Variants in ALMS1 observed in about 807,000 individuals in gnomAD.
ALMS1 encodes the protein ALMS1 centrosome and basal body associated protein.
In ALMS1, 271 loss-of-function variants were observed where a neutral mutation model predicts 352.2. The observed-to-expected ratio is 0.77, with a 90% CI of 0.70 to 0.85. ALMS1 has a LOEUF of 0.85. Ranked by LOEUF, ALMS1 falls within the 40% of genes least tolerant of loss-of-function variation. The probability of loss-of-function intolerance (pLI) is 0.00; values close to 1 mark genes in which losing one functional copy is unlikely to be tolerated. For synonymous variants in ALMS1, 1,865 were observed against 1,761.2 expected, an observed-to-expected ratio of 1.06 and a Z score of -1.48; for missense variants, 5,445 against 4,870.7, an observed-to-expected ratio of 1.12 and a Z score of -3.51.
chr2:73,573,911 A>G (rs567471653), intron 16 of ALMS1, among the ~76,000 whole-genome samples: 3 of 152,130 alleles, frequency 2.0e-5, no homozygotes, highest in African/African-American at 7.2e-5. Flanking sequence ...GGGGTGAGCT[A>G]CAATATGATT....
intron 1 of ALMS1, 82 bp from the exon 2 acceptor site, chr2:73,408,540 T>C: frequency 6.9e-7 from 1 of 1,452,402 alleles, no homozygotes; most frequent in Non-Finnish European, 9.5e-7. Flanking sequence ...CTGGGAAGTA[T>C]GGTCTAAATA....
intron 15 of ALMS1, among the ~76,000 whole-genome samples, chr2:73,567,936 A>C (rs1266561621): frequency 6.6e-6 from 1 of 152,184 alleles, no homozygotes; most frequent in East Asian, 1.9e-4. Context: ...TGCAAAATCA[A>C]TTTATAAATG....
intron 11 of ALMS1, among the ~76,000 whole-genome samples, chr2:73,523,614 A>C (rs1332286837): frequency 2.0e-5 from 3 of 152,158 alleles, no homozygotes; most frequent in East Asian, 3.8e-4. Context: ...TAAAAATACA[A>C]AAATTAGCCG....
rs1237112501 is a variant in ALMS1 at position 73,471,457 on chromosome 2, T to C, written c.7674+16162T>C. ...CCATGTATCTAATGAGGGGTTAATA[T>C]CCAAAGTATATAAGGAACACCTGCA... On this transcript the variant is annotated intron_variant, in intron 9 of 22. Coordinates refer to ENST00000613296, the MANE Select transcript of ALMS1 (RefSeq NM_001378454.1). 3.3e-5 allele frequency among the ~76,000 whole-genome samples: 4 copies of C among 120,080 alleles called. No homozygotes were observed. The East Asian group carries it at 8.6e-4, about 26-fold the overall frequency. The allele number at this position is 120,080 out of a possible 152,430, so 78.8% of individuals were successfully genotyped here.
Position 73,450,216 on chromosome 2 carries a change from G to A in ALMS1, c.3689G>A (p.Gly1230Glu), listed in dbSNP as rs372619046. 4.3e-5 allele frequency: 70 copies of A among 1,612,382 alleles called. No homozygotes were observed. Among genetic ancestry groups the A allele is most frequent in the African/African-American group, 4.3e-4 (32 of 74,438 alleles). Residue 1230 changes from glycine (G) to glutamate (E), a missense_variant, in exon 8 of 23, where the codon GGG becomes GAG. Gly to Glu is a moderately conservative substitution (Grantham distance 98, BLOSUM62 -2). Coordinates refer to ENST00000613296, the MANE Select transcript of ALMS1 (RefSeq NM_001378454.1). ...CTTGGACCAGCTGACCAGAAGACTG[G>A]GACACCAACTCCAACCTCTGCTTCT... ...PVLGPADQKTGTPTPTSASYS... is the reference protein window; with the variant it reads ...PVLGPADQKTETPTPTSASYS...
rs1675898027 is a variant in ALMS1, at chr2:73,609,689, C to G, written c.*77C>G. The stretch of plus-strand genomic sequence containing the variant: ...AAGCAGAATCCTTACTTTTGTGAGT[C>G]TGGTTGAATAAAGCTTATTCTTTGT... On this transcript the variant is annotated 3_prime_UTR_variant, in exon 23 of 23. Coordinates refer to ENST00000613296, the MANE Select transcript of ALMS1 (RefSeq NM_001378454.1). The G allele has an allele frequency of 2.2e-6, 3 of 1,386,386 alleles. No individual in the cohort carries two copies. In the Admixed American group the frequency reaches 5.0e-5, roughly 23 times the overall value. The allele number at this position is 1,386,386 out of a possible 1,614,324, so 85.9% of individuals were successfully genotyped here.
chr2:73,537,904 G>C (rs1674065791), intron 12 of ALMS1, among the ~76,000 whole-genome samples: 1 of 152,134 alleles, frequency 6.6e-6, no homozygotes, highest in Non-Finnish European at 1.5e-5. Flanking sequence ...TACTCGGAAG[G>C]CTGAGGCATG....
chr2:73,411,900 T>A lies in ALMS1; in HGVS notation c.450+3153T>A, dbSNP rs79437477. 7.8e-3 allele frequency among the ~76,000 whole-genome samples: 1,186 copies of A among 152,342 alleles called. 13 individuals carry two copies. Among genetic ancestry groups the A allele is most frequent in the African/African-American group, 0.027 (1,133 of 41,566 alleles). Reference sequence around the variant, plus strand: ...AGTTACTCATCCCATGATCACAGTCTATCTAGACTTTGTCATCACCAGCTA... The same window carrying A: ...AGTTACTCATCCCATGATCACAGTCAATCTAGACTTTGTCATCACCAGCTA... On this transcript the variant is annotated intron_variant, in intron 2 of 22. Transcript: ENST00000613296.
rs772136379 is a variant in ALMS1, at chr2:73,451,669, T to G, written c.5142T>G (p.Tyr1714Ter). 23 of 1,613,928 alleles carry G rather than the reference T, an allele frequency of 1.4e-5. No homozygotes were observed. The highest frequency in any genetic ancestry group is 1.6e-4 in the Middle Eastern group (1 of 6,084). Residue 1714 changes from tyrosine to a stop codon, truncating the protein, a stop_gained, in exon 8 of 23, where the codon TAT becomes TAG. Transcript: ENST00000613296. LOFTEE classifies it high-confidence loss of function. ...TPSVSSSLYS[Y>*]REKPIVFYQQ... ...CAGTATCCTCTAGTTTATACTCATA[T>G]AGAGAGAAGCCCATTGTCTTCTACC...
intron 2 of ALMS1, among the ~76,000 whole-genome samples, chr2:73,417,188 G>T (rs1371438818): frequency 6.6e-6 from 1 of 151,988 alleles, no homozygotes; most frequent in Admixed American, 6.5e-5. Flanking sequence ...TCAAGAAATA[G>T]AGAAAAAATA....
chr2:73,424,593 T>G lies in ALMS1; in HGVS notation c.928T>G (p.Cys310Gly). ...AGGCAGCACAGCTGTTGGGTCTCAG[T>G]GCCCTTTTTTACCTTCTGAACAAGG... ...LIGSTAVGSQ[C>G]PFLPSEQGNN... Residue 310 changes from cysteine to glycine, a missense_variant, in exon 5 of 23, where the codon TGC becomes GGC. Transcript: ENST00000613296. The G allele has an allele frequency of 1.2e-6, 2 of 1,614,022 alleles. No individual in the cohort carries two copies. Among genetic ancestry groups the G allele is most frequent in the Non-Finnish European group, 1.7e-6 (2 of 1,180,008 alleles).
intron 16 of ALMS1, among the ~76,000 whole-genome samples, chr2:73,587,074 G>C (rs181029307): frequency 2.0e-5 from 3 of 152,104 alleles, no homozygotes; most frequent in Non-Finnish European, 4.4e-5. Context: ...TTGTTTCTCA[G>C]CTTGGTCTTT....
At chr2:73,564,708 T>C (rs913943363) in intron 15 of ALMS1, among the ~76,000 whole-genome samples, 1 of 152,072 alleles carries the variant, frequency 6.6e-6, no homozygotes, top group African/African-American at 2.4e-5. Context: ...GGCCCGCCCA[T>C]AATGAAAAAT....
intron 13 of ALMS1, among the ~76,000 whole-genome samples, chr2:73,556,230 A>G (rs1195470258): frequency 6.6e-6 from 1 of 152,228 alleles, no homozygotes; most frequent in Non-Finnish European, 1.5e-5. Flanking sequence ...GAAGACATTT[A>G]GAGAAAAGAG....
chr2:73,528,093 C>T (rs1673829980), intron 11 of ALMS1, among the ~76,000 whole-genome samples: 1 of 152,060 alleles, frequency 6.6e-6, no homozygotes, highest in Non-Finnish European at 1.5e-5. Context: ...AGTTTTATTT[C>T]ATTGTGATCA....
chr2:73,439,010 C>T (rs1671661533), intron 7 of ALMS1, among the ~76,000 whole-genome samples: 1 of 150,418 alleles, frequency 6.6e-6, no homozygotes, highest in Non-Finnish European at 1.5e-5. Context: ...TTCTTCCTCT[C>T]CTCCTCCTCC....
rs181988346 is a variant in ALMS1 at position 73,409,651 on chromosome 2, A to G, written c.450+904A>G. Among the ~76,000 whole-genome samples, 570 of 152,298 alleles carry G rather than the reference A, an allele frequency of 3.7e-3. 2 individuals carry two copies. The highest frequency in any genetic ancestry group is 5.7e-3 in the Non-Finnish European group (391 of 68,032). On this transcript the variant is annotated intron_variant, in intron 2 of 22. Coordinates refer to ENST00000613296, the MANE Select transcript of ALMS1 (RefSeq NM_001378454.1). ...CATTGTTTAAATTCCGGCTTACTAG[A>G]ACTCAGTTGGTATATTATTCAGGGT...
intron 12 of ALMS1, among the ~76,000 whole-genome samples, chr2:73,541,879 G>T (rs147020427): frequency 1.3e-5 from 2 of 152,152 alleles, no homozygotes; most frequent in Admixed American, 1.3e-4. Flanking sequence ...ATAATCGATA[G>T]CTTACCAACC....
At chr2:73,403,624 A>G (rs1001167523) in intron 1 of ALMS1, among the ~76,000 whole-genome samples, 1 of 151,988 alleles carries the variant, frequency 6.6e-6, no homozygotes, top group Non-Finnish European at 1.5e-5. Flanking sequence ...TGGATAGTAC[A>G]TACATTTTAA....
Sources: gnomAD v4.1 joint callset for allele counts (sites outside exome capture counted in the v4.1 genomes callset) on GRCh38, gnomAD v4.1.1 for gene constraint, MANE v1.5 for transcripts, NCBI Gene and HGNC (gene_info 2026-07-23, HGNC 2026-07-21) for gene names.